The following DPYSL3 variants were observed in gnomAD, a reference collection of about 807,000 sequenced individuals.
DPYSL3 encodes dihydropyrimidinase like 3.
In DPYSL3, 16 loss-of-function variants were observed where a neutral mutation model predicts 66.1. The ratio of observed to expected loss-of-function variants is 0.24; its 90% CI spans 0.16 to 0.37. The LOEUF (loss-of-function observed/expected upper bound fraction) is 0.37. Among genes scored for constraint, DPYSL3 ranks in the 10% least tolerant of loss-of-function variants. The pLI is 1.00. For missense variants in DPYSL3, 738 were observed against 916.2 expected (o/e 0.81, Z 2.51); for synonymous variants, 338 against 345.1 (o/e 0.98, Z 0.23).
Position 147,393,771 on chromosome 5 carries a change from T to C in DPYSL3, c.*264A>G, listed in dbSNP as rs768344292. On this transcript the variant is annotated 3_prime_UTR_variant, in exon 14 of 14. Coordinates refer to ENST00000343218, the MANE Select transcript of DPYSL3 (RefSeq NM_001197294.2). ...AACACTATGATAGAGCAGACTCTTT[T>C]ACCTTAGTGGCCTGTCTGATTGCAT... The C allele has an allele frequency of 3.3e-5, 16 of 478,592 alleles. No homozygotes were observed. The highest frequency in any genetic ancestry group is 3.8e-5 in the Non-Finnish European group (10 of 262,412). 29.6% of individuals were successfully genotyped at this position (478,592 alleles called of 1,614,324 possible).
intron 1 of DPYSL3, among the ~76,000 whole-genome samples, chr5:147,462,440 C>A (rs1752947705): frequency 6.6e-6 from 1 of 152,068 alleles, no homozygotes; most frequent in African/African-American, 2.4e-5. Context: ...ACATTGAAGG[C>A]TTTGGTAACG....
intron 1 of DPYSL3, among the ~76,000 whole-genome samples, chr5:147,476,765 G>A (rs563525598): frequency 6.6e-6 from 1 of 152,124 alleles, no homozygotes; most frequent in African/African-American, 2.4e-5. Flanking sequence ...AAGACCCTCA[G>A]GTAAGTTTGA....
rs1751900321 is a variant in DPYSL3 at position 147,413,651 on chromosome 5, T to C, written c.827A>G (p.Asn276Ser). ...VQNLIKDKGV[N>S]SFMVYMAYKD... ...ATAAGCCATATAAACCATGAAGGAG[T>C]TAACCCCTGCAAAAGAGGGACAGGA... Residue 276 changes from asparagine to serine, a missense_variant, in exon 5 of 14, where the codon AAC becomes AGC. Asn to Ser is a conservative substitution (Grantham distance 46, BLOSUM62 1). Transcript: ENST00000343218. 3 of 1,611,894 alleles carry C rather than the reference T, an allele frequency of 1.9e-6. No homozygotes were observed. The highest frequency in any genetic ancestry group is 1.1e-5 in the South Asian group (1 of 90,828).
chr5:147,402,417 G>A (rs536459362), intron 8 of DPYSL3, among the ~76,000 whole-genome samples: 5 of 132,410 alleles, frequency 3.8e-5, no homozygotes, highest in African/African-American at 8.1e-5. Flanking sequence ...GCGCGATCTC[G>A]GCTCACTGCA....
At chr5:147,428,794 G>A (rs551543706) in intron 1 of DPYSL3, among the ~76,000 whole-genome samples, 27 of 151,936 alleles carry the variant, frequency 1.8e-4, no homozygotes, top group East Asian at 1.9e-4. Context: ...ACTGGGGCCC[G>A]TCACGGTGGG....
At chr5:147,484,114 G>A (rs1165741661) in intron 1 of DPYSL3, among the ~76,000 whole-genome samples, 2 of 152,216 alleles carry the variant, frequency 1.3e-5, no homozygotes, top group Admixed American at 6.5e-5. Flanking sequence ...CAGGTTCCCG[G>A]CAAGTAACCA....
At position 147,412,582 on chromosome 5, in the gene DPYSL3, C is replaced by T. The variant is rs73794717; in HGVS notation, c.963+26G>A. 14,766 of 1,602,612 alleles carry T rather than the reference C, an allele frequency of 9.2e-3. 1,209 individuals are homozygous for T. In the African/African-American group the frequency reaches 0.17, roughly 19 times the overall value. On this transcript the variant is annotated intron_variant, in intron 6 of 13. Coordinates refer to ENST00000343218, the MANE Select transcript of DPYSL3 (RefSeq NM_001197294.2). ...GAAAATGGAATGCAGACCCAAAGCA[C>T]GCTCCAGGGAGCTGCACGGTGTTAC... is the stretch of plus-strand genomic sequence containing the variant.
chr5:147,436,922 TCAACCATA>T (rs1752423340), intron 1 of DPYSL3, among the ~76,000 whole-genome samples: 1 of 152,166 alleles, frequency 6.6e-6, no homozygotes, highest in Non-Finnish European at 1.5e-5. Flanking sequence ...GAGGTACTGG[TCAACCATA>T]CAGCAATGTA....
intron 1 of DPYSL3, among the ~76,000 whole-genome samples, chr5:147,468,666 G>A: frequency 6.6e-6 from 1 of 151,966 alleles, no homozygotes; most frequent in Non-Finnish European, 1.5e-5. Flanking sequence ...TAGAAACTAT[G>A]TTTTGCCATA....
chr5:147,484,491 G>A (rs557181056), intron 1 of DPYSL3, among the ~76,000 whole-genome samples: 16 of 152,336 alleles, frequency 1.1e-4, no homozygotes, highest in Non-Finnish European at 1.6e-4. Flanking sequence ...CGTCCTTAGA[G>A]ACAATGACTG....
intron 2 of DPYSL3, among the ~76,000 whole-genome samples, chr5:147,419,439 T>C (rs1752038596): frequency 6.6e-6 from 1 of 152,162 alleles, no homozygotes; most frequent in African/African-American, 2.4e-5. Flanking sequence ...CCAAGGAAAG[T>C]GACAAATACA....
In DPYSL3 at chr5:147,449,021, G is replaced by A. The variant is rs145671189; in HGVS notation, c.382-24058C>T. Among the ~76,000 whole-genome samples the A allele has an allele frequency of 2.5e-4, 38 of 152,264 alleles. 1 individual carries two copies. The East Asian group carries it at 2.5e-3, about 10-fold the overall frequency. ...AAGATGCCTTGCACAGAGAGAGCTG[G>A]TTTTCTGTGACTCCTCTTCTTTTGG... On this transcript the variant is annotated intron_variant, in intron 1 of 13. Transcript: ENST00000343218.
chr5:147,477,417 T>C (rs1350974635), intron 1 of DPYSL3, among the ~76,000 whole-genome samples: 2 of 151,958 alleles, frequency 1.3e-5, no homozygotes, highest in Admixed American at 6.6e-5. Context: ...TAAGAGGAGC[T>C]CCAGACAGGA....
intron 1 of DPYSL3, chr5:147,453,868 C>A (rs188447309): frequency 2.1e-5 from 14 of 681,510 alleles, no homozygotes; most frequent in Non-Finnish European, 2.9e-5. Flanking sequence ...TCTTTTGCTG[C>A]GCCAGCTGGG....
chr5:147,495,194 G>C (rs981328360), intron 1 of DPYSL3, among the ~76,000 whole-genome samples: 7 of 152,220 alleles, frequency 4.6e-5, no homozygotes, highest in African/African-American at 1.7e-4. Flanking sequence ...ATACTTCCCA[G>C]CTCCTTCTCT....
chr5:147,453,491 G>C, intron 1 of DPYSL3: 1 of 1,499,628 alleles, frequency 6.7e-7, no homozygotes, highest in Non-Finnish European at 8.9e-7. Context: ...GACCCCGCCC[G>C]CAGCGCAGCG....
chr5:147,477,669 G>A (rs946042234), intron 1 of DPYSL3, among the ~76,000 whole-genome samples: 2 of 125,504 alleles, frequency 1.6e-5, no homozygotes, highest in African/African-American at 6.0e-5. Context: ...TGCAAGCTCC[G>A]CTTCCCGGGT....
chr5:147,429,447 T>G (rs1384658464), intron 1 of DPYSL3, among the ~76,000 whole-genome samples: 1 of 152,128 alleles, frequency 6.6e-6, no homozygotes, highest in African/African-American at 2.4e-5. Context: ...ATAGTAATAC[T>G]TAGCTCACAT....
intron 1 of DPYSL3, among the ~76,000 whole-genome samples, chr5:147,461,263 G>A (rs1752927094): frequency 6.6e-6 from 1 of 152,192 alleles, no homozygotes; most frequent in African/African-American, 2.4e-5. Context: ...TAGGGTTGGG[G>A]AGGCCAGTTT....
Sources: allele counts gnomAD v4.1 joint callset (sites outside exome capture counted in the v4.1 genomes callset), GRCh38; gene constraint gnomAD v4.1.1; transcripts MANE v1.5; gene names NCBI Gene and HGNC (gene_info 2026-07-23, HGNC 2026-07-21).